The following UBE3C variants were observed in gnomAD, a reference collection of about 807,000 sequenced individuals.
UBE3C encodes ubiquitin protein ligase E3C, also known as ubiquitin-protein ligase E3C.
UBE3C carries 42 observed loss-of-function variants against 129.4 expected under a neutral mutation model. The ratio of observed to expected loss-of-function variants is 0.32; its 90% CI spans 0.25 to 0.42. The LOEUF (loss-of-function observed/expected upper bound fraction) is 0.42, where lower values mean the gene tolerates loss of function less well. Among genes scored for constraint, UBE3C ranks in the 10% least tolerant of loss-of-function variants. The pLI, the probability that UBE3C is intolerant of heterozygous loss-of-function variation, is 1.00. For synonymous variants in UBE3C, 510 were observed against 492.4 expected (o/e 1.04, Z -0.47); for missense variants, 1,049 against 1,319.1 (o/e 0.80, Z 3.17).
intron 16 of UBE3C, among the ~76,000 whole-genome samples, chr7:157,224,139 G>T (rs1795810185): frequency 6.6e-6 from 1 of 152,006 alleles, no homozygotes; most frequent in Non-Finnish European, 1.5e-5. Context: ...CTGCTAAAGT[G>T]CTGGGATTAC....
At chr7:157,197,859 G>C in intron 10 of UBE3C, 1 of 1,607,508 alleles carries the variant, frequency 6.2e-7, no homozygotes, top group Non-Finnish European at 8.5e-7. Flanking sequence ...AAGAACAACC[G>C]CGTTAAGTAT....
At chr7:157,206,483 C>T (rs188580228) in intron 11 of UBE3C, among the ~76,000 whole-genome samples, 48 of 151,822 alleles carry the variant, frequency 3.2e-4, no homozygotes, top group African/African-American at 9.9e-4. Flanking sequence ...AGGCTGGTCT[C>T]GAACTCTTGA....
chr7:157,246,002 A>AAC (rs1293650687), intron 18 of UBE3C, among the ~76,000 whole-genome samples: 3 of 151,918 alleles, frequency 2.0e-5, no homozygotes, highest in East Asian at 1.9e-4. Flanking sequence ...CAAAAAAAAA[A>AAC]AAAAAAAAAA....
At chr7:157,153,237 T>C (rs189008399) in intron 1 of UBE3C, among the ~76,000 whole-genome samples, 1 of 152,294 alleles carries the variant, frequency 6.6e-6, no homozygotes, top group Admixed American at 6.5e-5. Flanking sequence ...TTTGTACATA[T>C]TATTTTAGAG....
chr7:157,156,300 C>CTT (rs1173730075), intron 1 of UBE3C, among the ~76,000 whole-genome samples: 1,907 of 85,856 alleles, frequency 0.022, 57 homozygotes, highest in Non-Finnish European at 0.028. Flanking sequence ...ACCCCCAGTT[C>CTT]TTTTTTTTTT....
At chr7:157,142,273 T>A (rs1807475213) in intron 1 of UBE3C, among the ~76,000 whole-genome samples, 1 of 152,224 alleles carries the variant, frequency 6.6e-6, no homozygotes. Flanking sequence ...TTCTGGAGCT[T>A]AGTGGAAAAT....
intron 10 of UBE3C, chr7:157,192,672 A>G (rs1809003223): frequency 1.3e-6 from 1 of 770,578 alleles, no homozygotes; most frequent in Non-Finnish European, 2.4e-6. Context: ...GGCTGTCCTG[A>G]AGTATTAGAA....
At chr7:157,188,832 G>A in intron 10 of UBE3C, 1 of 424,732 alleles carries the variant, frequency 2.4e-6, no homozygotes, top group Non-Finnish European at 4.2e-6. Flanking sequence ...TTTGAAAGAT[G>A]ATTAGTATAT....
chr7:157,249,901 A>C (rs888702772), intron 19 of UBE3C, among the ~76,000 whole-genome samples: 1 of 152,182 alleles, frequency 6.6e-6, no homozygotes, highest in African/African-American at 2.4e-5. Context: ...AAAATCCAAA[A>C]CTTTCTGAGT....
intron 1 of UBE3C, among the ~76,000 whole-genome samples, chr7:157,153,553 C>T (rs1307513511): frequency 6.6e-6 from 1 of 152,076 alleles, no homozygotes; most frequent in Admixed American, 6.5e-5. Context: ...TTGGCTTCCC[C>T]AGGTAATCCC....
intron 4 of UBE3C, 122 bp downstream of exon 4, chr7:157,170,572 C>T (rs1208454019): frequency 9.3e-7 from 1 of 1,080,190 alleles, no homozygotes; most frequent in African/African-American, 1.6e-5. Flanking sequence ...GCTTTGCAAA[C>T]TTCTCAGCTA....
chr7:157,257,742 C>A (rs1204552787), intron 22 of UBE3C, among the ~76,000 whole-genome samples: 1,566 of 95,360 alleles, frequency 0.016, no homozygotes, highest in Non-Finnish European at 0.017. Context: ...ACCCTGTCTC[C>A]AAAAAAAAAA....
chr7:157,192,822 A>C, intron 10 of UBE3C: 1 of 1,261,962 alleles, frequency 7.9e-7, no homozygotes, highest in Middle Eastern at 2.6e-4. Context: ...AACAAACCAG[A>C]AGACAAGTAA....
chr7:157,223,609 C>T (rs1337688576), intron 16 of UBE3C, among the ~76,000 whole-genome samples: 2 of 152,126 alleles, frequency 1.3e-5, no homozygotes, highest in East Asian at 1.9e-4. Context: ...GAGGGTCTAA[C>T]GTCATTTTTC....
At chr7:157,203,173 ATAT>A (rs1230300486) in intron 11 of UBE3C, among the ~76,000 whole-genome samples, 2 of 152,214 alleles carry the variant, frequency 1.3e-5, no homozygotes, top group Non-Finnish European at 2.9e-5. Flanking sequence ...CAGTTTCTCA[ATAT>A]TATTACTTCA....
chr7:157,200,335 A>G (rs1809246273), intron 10 of UBE3C, among the ~76,000 whole-genome samples: 1 of 152,252 alleles, frequency 6.6e-6, no homozygotes, highest in South Asian at 2.1e-4. Context: ...ATTTTTAATC[A>G]GTACTTCATG....
chr7:157,251,232 T>C lies in UBE3C; in HGVS notation c.2694+2652T>C, dbSNP rs148262061. Among the ~76,000 whole-genome samples the C allele has an allele frequency of 3.7e-3, 561 of 152,342 alleles. 2 individuals carry two copies. The highest frequency in any genetic ancestry group is 0.013 in the African/African-American group (520 of 41,572). ...AAAGACTTGTAATATGCAAATACTT[T>C]ATTGTGTCAGCAGGTTATGTTAATT... On this transcript the variant is annotated intron_variant, in intron 19 of 22. Transcript: ENST00000348165.
At chr7:157,174,693 C>A (rs984583459) in intron 4 of UBE3C, among the ~76,000 whole-genome samples, 2 of 152,174 alleles carry the variant, frequency 1.3e-5, no homozygotes, top group Non-Finnish European at 2.9e-5. Flanking sequence ...CTCAGGTGAT[C>A]TGCCTGCCTC....
chr7:157,180,783 C>T (rs891624599), intron 6 of UBE3C, among the ~76,000 whole-genome samples: 2 of 152,144 alleles, frequency 1.3e-5, no homozygotes, highest in East Asian at 1.9e-4. Context: ...TTTCAGTTTA[C>T]GTATAAGCTG....
Sources: allele counts gnomAD v4.1 joint callset (sites outside exome capture counted in the v4.1 genomes callset), GRCh38; gene constraint gnomAD v4.1.1; transcripts MANE v1.5; gene names NCBI Gene and HGNC (gene_info 2026-07-23, HGNC 2026-07-21).